The following TC2N variants were observed in gnomAD, a reference collection of about 807,000 sequenced individuals.
TC2N encodes tandem C2 domains nuclear protein.
TC2N carries 51 observed loss-of-function variants against 61.9 expected under a neutral mutation model. The ratio of observed to expected loss-of-function variants is 0.82; its 90% CI spans 0.66 to 1.04. The LOEUF is 1.04. Ranked by LOEUF, TC2N falls within the 50% of genes least tolerant of loss-of-function variation. The probability of loss-of-function intolerance (pLI) is 0.00; values close to 1 mark genes in which losing one functional copy is unlikely to be tolerated. For missense variants in TC2N, 556 were observed against 566.7 expected (o/e 0.98, Z 0.19); for synonymous variants, 204 against 192.6 (o/e 1.06, Z -0.49).
chr14:91,849,837 C>A (rs776477455), intron 1 of TC2N, among the ~76,000 whole-genome samples: 1 of 152,118 alleles, frequency 6.6e-6, no homozygotes. Context: ...CACCGGAGGT[C>A]AGGAGTTTGA....
chr14:91,831,245 T>C (rs760915711), intron 1 of TC2N, among the ~76,000 whole-genome samples: 1 of 152,194 alleles, frequency 6.6e-6, no homozygotes, highest in Non-Finnish European at 1.5e-5. Context: ...GCAAATCCTA[T>C]ATTTATTTTT....
chr14:91,818,838 CAG>C (rs1220253183), intron 1 of TC2N, among the ~76,000 whole-genome samples: 1 of 151,934 alleles, frequency 6.6e-6, no homozygotes, highest in Non-Finnish European at 1.5e-5. Flanking sequence ...AAATGAGACA[CAG>C]AGAAAAGACT....
intron 1 of TC2N, among the ~76,000 whole-genome samples, chr14:91,822,646 G>A (rs1274318128): frequency 6.6e-6 from 1 of 151,668 alleles, no homozygotes; most frequent in Non-Finnish European, 1.5e-5. Context: ...GAAGCACAGA[G>A]AGGGACAGAA....
In TC2N at chr14:91,785,331, G is replaced by C; in HGVS notation, c.1193C>G (p.Ser398Trp). The C allele has an allele frequency of 6.2e-7, 1 of 1,613,316 alleles. No individual in the cohort carries two copies. The highest frequency in any genetic ancestry group is 1.3e-5 in the African/African-American group (1 of 74,896). The stretch of plus-strand genomic sequence containing the variant: ...CTTTTTCTTATAAATCAACTCTCCC[G>C]AGCTAAACATTCCCACCTTCACGAA... Reference protein sequence around the residue: ...SFFVKVGMFSSGELIYKKKTR... With the variant: ...SFFVKVGMFSWGELIYKKKTR... Residue 398 changes from serine to tryptophan, a missense_variant, in exon 11 of 12, where the codon TCG becomes TGG. Transcript: ENST00000435962.
intron 1 of TC2N, among the ~76,000 whole-genome samples, chr14:91,820,602 C>G (rs986066588): frequency 6.6e-6 from 1 of 151,490 alleles, no homozygotes; most frequent in African/African-American, 2.4e-5. Flanking sequence ...ATTTGAGATT[C>G]TAGCTAAGCC....
At chr14:91,855,852 A>G (rs1488736223) in intron 1 of TC2N, among the ~76,000 whole-genome samples, 6 of 152,142 alleles carry the variant, frequency 3.9e-5, no homozygotes, top group Admixed American at 1.3e-4. Flanking sequence ...CCGAGGTTGG[A>G]GTCAGAAGTG....
intron 1 of TC2N, among the ~76,000 whole-genome samples, chr14:91,847,020 G>A (rs866147124): frequency 6.6e-6 from 1 of 152,230 alleles, no homozygotes. Context: ...CTCTTTGGGA[G>A]GCCGAGGCAG....
At chr14:91,808,369 T>C (rs1401451515) in intron 3 of TC2N, among the ~76,000 whole-genome samples, 1 of 152,184 alleles carries the variant, frequency 6.6e-6, no homozygotes, top group Non-Finnish European at 1.5e-5. Context: ...CTCTACACTG[T>C]CCATGCAATT....
At position 91,792,569 on chromosome 14, in the gene TC2N, AAAC is replaced by A. The variant is rs776425701; in HGVS notation, c.856-14_856-12del. The A allele has an allele frequency of 1.5e-6, 2 of 1,359,158 alleles. No individual in the cohort carries two copies. Among genetic ancestry groups the A allele is most frequent in the Admixed American group, 4.4e-5 (2 of 45,512 alleles). 84.2% of individuals were successfully genotyped at this position (1,359,158 alleles called of 1,614,324 possible). On this transcript the variant is annotated splice_polypyrimidine_tract_variant and intron_variant, in intron 8 of 11. Coordinates refer to ENST00000435962, the MANE Select transcript of TC2N (RefSeq NM_001128596.3). Reference sequence around the variant, plus strand: ...CATAAATTCAATAGCCTTAAAAAAAAAACAAGAAAACATAAAATATATAAATAA... The same window carrying A: ...CATAAATTCAATAGCCTTAAAAAAAAAAGAAAACATAAAATATATAAATAA...
chr14:91,813,631 T>C (rs759270343), intron 2 of TC2N, 72 bp downstream of exon 2: 234 of 1,108,306 alleles, frequency 2.1e-4, no homozygotes, highest in Non-Finnish European at 3.0e-4. Context: ...CATGCCTAAT[T>C]CTTTATATTA....
At chr14:91,798,597 G>A (rs922124538) in intron 6 of TC2N, among the ~76,000 whole-genome samples, 198 bp from the exon 7 acceptor site, 1 of 151,866 alleles carries the variant, frequency 6.6e-6, no homozygotes, top group Admixed American at 6.6e-5. Flanking sequence ...CTATAAAAAG[G>A]TCTCATGGTT....
chr14:91,799,209 A>T, intron 5 of TC2N, 145 bp from the exon 6 acceptor site: 3 of 450,570 alleles, frequency 6.7e-6, no homozygotes, highest in East Asian at 4.0e-5. Flanking sequence ...ACTTACAGGT[A>T]GTGGAAAAAA....
chr14:91,839,478 T>C (rs979432597), intron 1 of TC2N, among the ~76,000 whole-genome samples: 1 of 152,196 alleles, frequency 6.6e-6, no homozygotes, highest in Non-Finnish European at 1.5e-5. Context: ...CTTTTCCCAC[T>C]TCCCTCTAGA....
chr14:91,823,129 C>A (rs760964986), intron 1 of TC2N, among the ~76,000 whole-genome samples: 2 of 152,066 alleles, frequency 1.3e-5, no homozygotes, highest in African/African-American at 4.8e-5. Context: ...ATCAATTAGA[C>A]CTCAATAAAC....
rs772596200 is a variant in TC2N at position 91,811,112 on chromosome 14, G to T, written c.301+1200C>A. Among the ~76,000 whole-genome samples, 4 of 152,236 alleles carry T rather than the reference G, an allele frequency of 2.6e-5. No individual in the cohort carries two copies. The East Asian group carries it at 7.7e-4, about 29-fold the overall frequency. On this transcript the variant is annotated intron_variant, in intron 3 of 11. Transcript: ENST00000435962. ...TACTCACTTGGGCAGCTCACTGTGT[G>T]TAAAATTTATGCCAAAAGAAGAAAA... is the stretch of plus-strand genomic sequence containing the variant.
chr14:91,822,401 T>C (rs947448321), intron 1 of TC2N, among the ~76,000 whole-genome samples: 2 of 152,186 alleles, frequency 1.3e-5, no homozygotes, highest in Non-Finnish European at 2.9e-5. Context: ...AAAAAGAGTA[T>C]GTGCCATACA....
At chr14:91,807,845 G>A (rs1298271699) in intron 3 of TC2N, among the ~76,000 whole-genome samples, 2 of 152,108 alleles carry the variant, frequency 1.3e-5, no homozygotes, top group Non-Finnish European at 2.9e-5. Flanking sequence ...TGGTTTGGCT[G>A]TGTCCCCACC....
chr14:91,782,428 C>T lies in TC2N; in HGVS notation c.*672G>A, dbSNP rs1198406774. The T allele has an allele frequency of 2.6e-5, 4 of 151,902 alleles. No individual in the cohort carries two copies. The highest frequency in any genetic ancestry group is 5.9e-5 in the Non-Finnish European group (4 of 67,856). 9.4% of individuals were successfully genotyped at this position (151,902 alleles called of 1,614,324 possible). Reference sequence around the variant, plus strand: ...AGCAAAGTATGTATATTCTGGGTTTCCAATTAAACTTCAACCTTCTGGTGT... The same window carrying T: ...AGCAAAGTATGTATATTCTGGGTTTTCAATTAAACTTCAACCTTCTGGTGT... On this transcript the variant is annotated 3_prime_UTR_variant, in exon 12 of 12. Transcript: ENST00000435962.
intron 1 of TC2N, among the ~76,000 whole-genome samples, chr14:91,827,083 T>G (rs567494003): frequency 1.3e-5 from 2 of 152,218 alleles, no homozygotes; most frequent in African/African-American, 4.8e-5. Context: ...GGCTGATATA[T>G]ATATGAATTT....
Sources: gnomAD v4.1 joint callset for allele counts (sites outside exome capture counted in the v4.1 genomes callset) on GRCh38, gnomAD v4.1.1 for gene constraint, MANE v1.5 for transcripts, NCBI Gene and HGNC (gene_info 2026-07-23, HGNC 2026-07-21) for gene names.